Variants in DOCK2 observed in about 807,000 individuals in gnomAD.
The protein encoded by DOCK2 is dedicator of cytokinesis protein 2.
A neutral mutation model predicts 248.9 loss-of-function variants in DOCK2; 87 were observed. The observed-to-expected ratio is 0.35, with a 90% confidence interval of 0.29 to 0.42. The LOEUF (loss-of-function observed/expected upper bound fraction) is 0.42, where lower values mean the gene tolerates loss of function less well. Ranked by LOEUF, DOCK2 falls within the 10% of genes least tolerant of loss-of-function variation. The pLI is 1.00. For synonymous variants in DOCK2, 805 were observed against 821.6 expected (o/e 0.98, Z 0.35); for missense variants, 1,747 against 2,300.2 (o/e 0.76, Z 4.92).
chr5:169,954,266 C>T (rs1354748103), intron 27 of DOCK2, among the ~76,000 whole-genome samples: 2 of 152,104 alleles, frequency 1.3e-5, no homozygotes, highest in African/African-American at 4.8e-5. Context: ...AAAATCCTTT[C>T]GAAGTGAGTG....
At chr5:169,664,466 A>G (rs1758609684) in intron 2 of DOCK2, among the ~76,000 whole-genome samples, 1 of 152,200 alleles carries the variant, frequency 6.6e-6, no homozygotes, top group African/African-American at 2.4e-5. Flanking sequence ...TTCTCTCAGT[A>G]CCAAGTTTCT....
chr5:170,059,352 G>A (rs575252877), intron 44 of DOCK2, among the ~76,000 whole-genome samples: 3 of 152,058 alleles, frequency 2.0e-5, no homozygotes, highest in Non-Finnish European at 4.4e-5. Flanking sequence ...CCCTATTTAG[G>A]AGGTAAGGAA....
At chr5:169,706,463 CCAG>C (rs1297971429) in intron 14 of DOCK2, among the ~76,000 whole-genome samples, 1 of 152,124 alleles carries the variant, frequency 6.6e-6, no homozygotes, top group Non-Finnish European at 1.5e-5. Flanking sequence ...CTCAGGTCAC[CCAG>C]CTGTGAAATG....
intron 25 of DOCK2, among the ~76,000 whole-genome samples, chr5:169,795,760 G>A (rs964777298): frequency 2.0e-5 from 3 of 152,116 alleles, no homozygotes; most frequent in East Asian, 1.9e-4. Context: ...CTCGCAAACC[G>A]AACAGAAGAA....
intron 30 of DOCK2, among the ~76,000 whole-genome samples, chr5:170,007,563 G>C (rs1306400466): frequency 6.6e-6 from 1 of 152,108 alleles, no homozygotes; most frequent in Non-Finnish European, 1.5e-5. Context: ...CAGGTTTACC[G>C]AGGCTCCGTG....
chr5:169,675,520 T>G (rs1019127779), intron 6 of DOCK2, among the ~76,000 whole-genome samples: 1 of 152,122 alleles, frequency 6.6e-6, no homozygotes, highest in Non-Finnish European at 1.5e-5. Context: ...TGTGAGAAGT[T>G]CGATAGCTCA....
chr5:169,691,515 T>A (rs1001356332), intron 9 of DOCK2, among the ~76,000 whole-genome samples: 1 of 152,154 alleles, frequency 6.6e-6, no homozygotes, highest in African/African-American at 2.4e-5. Context: ...TAAATTCAGA[T>A]AATAAAATGC....
rs185089936 is a variant in DOCK2 at position 169,809,780 on chromosome 5, G to A, written c.2703+6574G>A. Among the ~76,000 whole-genome samples, 271 of 152,322 alleles carry A rather than the reference G, an allele frequency of 1.8e-3. 3 individuals carry two copies. The highest frequency in any genetic ancestry group is 8.5e-4 in the Non-Finnish European group (58 of 68,030). Reference sequence around the variant, plus strand: ...AAAATCCTTTCAGTTCCTCACTTGTGCAGCACCCTCTCACTTCTCACTGCG... The same window carrying A: ...AAAATCCTTTCAGTTCCTCACTTGTACAGCACCCTCTCACTTCTCACTGCG... On this transcript the variant is annotated intron_variant, in intron 26 of 51. Coordinates refer to ENST00000520908, the MANE Select transcript of DOCK2 (RefSeq NM_004946.3).
intron 27 of DOCK2, among the ~76,000 whole-genome samples, chr5:169,975,436 G>C (rs147630402): frequency 1.3e-5 from 2 of 152,130 alleles, no homozygotes; most frequent in East Asian, 1.9e-4. Context: ...CCAAGGGCCC[G>C]TGGGATCAGA....
Position 169,811,220 on chromosome 5 carries a change from C to T in DOCK2, c.2703+8014C>T, listed in dbSNP as rs376317131. ...TCCACCCTGCCTGTCTACGCTTGGG[C>T]GCCTTCTTCTGAAGTGCATCCCCTG... On this transcript the variant is annotated intron_variant, in intron 26 of 51. Coordinates refer to ENST00000520908, the MANE Select transcript of DOCK2 (RefSeq NM_004946.3). Among the ~76,000 whole-genome samples, 148 of 152,282 alleles carry T rather than the reference C, an allele frequency of 9.7e-4. 1 individual carries two copies. The highest frequency in any genetic ancestry group is 3.2e-3 in the African/African-American group (133 of 41,564).
intron 22 of DOCK2, among the ~76,000 whole-genome samples, chr5:169,722,307 T>C (rs1762251040): frequency 6.6e-6 from 1 of 152,188 alleles, no homozygotes; most frequent in Non-Finnish European, 1.5e-5. Flanking sequence ...CTGTTCCATG[T>C]GATGGACACT....
At chr5:169,816,187 T>G (rs899353513) in intron 26 of DOCK2, among the ~76,000 whole-genome samples, 1 of 152,126 alleles carries the variant, frequency 6.6e-6, no homozygotes, top group African/African-American at 2.4e-5. Context: ...TGAAATGAGT[T>G]AAGTGAGGGA....
chr5:169,942,890 C>T (rs1776297596), intron 27 of DOCK2, among the ~76,000 whole-genome samples: 6 of 152,202 alleles, frequency 3.9e-5, no homozygotes. Flanking sequence ...GATTTTCTTA[C>T]TCAGCTGAAA....
chr5:169,915,557 AACACACACACACACACACACACACACAC>A (rs56728646), intron 27 of DOCK2, among the ~76,000 whole-genome samples: 1 of 143,384 alleles, frequency 7.0e-6, no homozygotes, highest in African/African-American at 2.6e-5. Flanking sequence ...ATTGACAGGG[AACACACACACACACACACACACACACAC>A]ACACACACAC....
chr5:169,758,697 G>A (rs1561669034), intron 23 of DOCK2, among the ~76,000 whole-genome samples: 1 of 152,172 alleles, frequency 6.6e-6, no homozygotes, highest in Non-Finnish European at 1.5e-5. Flanking sequence ...TGCAAATAAT[G>A]TTTCCCTTGC....
chr5:169,962,654 G>T (rs779542907), intron 27 of DOCK2, among the ~76,000 whole-genome samples: 2 of 152,120 alleles, frequency 1.3e-5, no homozygotes, highest in Non-Finnish European at 2.9e-5. Flanking sequence ...CTCTAGGAAC[G>T]TATTGTCTGT....
chr5:169,937,381 C>T (rs1420012203), intron 27 of DOCK2, among the ~76,000 whole-genome samples: 1 of 152,226 alleles, frequency 6.6e-6, no homozygotes, highest in Non-Finnish European at 1.5e-5. Context: ...ATACTTCCCA[C>T]ATCCCTGGCC....
chr5:169,952,896 A>T (rs1241652536), intron 27 of DOCK2, among the ~76,000 whole-genome samples: 2 of 152,244 alleles, frequency 1.3e-5, no homozygotes, highest in Admixed American at 1.3e-4. Context: ...AGTCTGGGAC[A>T]GTGGAACATA....
intron 26 of DOCK2, among the ~76,000 whole-genome samples, chr5:169,809,543 A>G (rs1179653211): frequency 2.0e-5 from 3 of 152,132 alleles, no homozygotes; most frequent in Admixed American, 2.0e-4. Context: ...TTTCAGAACC[A>G]TGTGTGCACC....
Sources: gnomAD v4.1 joint callset for allele counts (sites outside exome capture counted in the v4.1 genomes callset) on GRCh38, gnomAD v4.1.1 for gene constraint, MANE v1.5 for transcripts, NCBI Gene and HGNC (gene_info 2026-07-23, HGNC 2026-07-21) for gene names.